Variants in SYT14 observed in about 807,000 individuals in gnomAD.
SYT14 encodes the protein synaptotagmin 14, also known as synaptotagmin-14.
Under a neutral mutation model 74.2 loss-of-function variants are expected in SYT14, and 32 were observed. That is an observed-to-expected ratio of 0.43 (90% CI 0.33 to 0.58). SYT14 has a LOEUF of 0.58. Ranked by LOEUF, SYT14 falls within the 20% of genes least tolerant of loss-of-function variation. The pLI, the probability that SYT14 is intolerant of heterozygous loss-of-function variation, is 0.05. For synonymous variants in SYT14, 298 were observed against 337.7 expected (o/e 0.88, Z 1.29); for missense variants, 791 against 981.8 (o/e 0.81, Z 2.60).
chr1:209,989,942 T>C (rs1321531249), intron 2 of SYT14, among the ~76,000 whole-genome samples: 4 of 152,192 alleles, frequency 2.6e-5, no homozygotes, highest in Non-Finnish European at 5.9e-5. Flanking sequence ...TATATATTGG[T>C]CTGACTTTTC....
chr1:210,023,533 G>A (rs1018305719), intron 5 of SYT14, among the ~76,000 whole-genome samples: 1 of 151,940 alleles, frequency 6.6e-6, no homozygotes, highest in African/African-American at 2.4e-5. Context: ...TAGTAGACAC[G>A]GGGCTTCACC....
In SYT14 at chr1:209,971,363, G is replaced by T. The variant is rs975114301; in HGVS notation, c.-486+18607G>T. On this transcript the variant is annotated intron_variant, in intron 2 of 9. Coordinates refer to ENST00000637265, the Ensembl canonical transcript of SYT14. ...GTCTGACTTCCTTTTGTCCTATAGG[G>T]ATACCTTTCATTTCTTTCTCTTGCC... Among the ~76,000 whole-genome samples the T allele has an allele frequency of 5.9e-5, 9 of 151,806 alleles. 1 individual carries two copies. Among genetic ancestry groups the T allele is most frequent in the Admixed American group, 6.6e-5 (1 of 15,248 alleles).
At chr1:209,939,229 A>G (rs1572038926) in intron 1 of SYT14, among the ~76,000 whole-genome samples, 1 of 152,320 alleles carries the variant, frequency 6.6e-6, no homozygotes, top group East Asian at 1.9e-4. Context: ...TAACTCAAAC[A>G]GTGAAAGTAA....
chr1:209,971,214 G>A (rs1169721652), intron 2 of SYT14, among the ~76,000 whole-genome samples: 2 of 152,084 alleles, frequency 1.3e-5, no homozygotes, highest in East Asian at 3.8e-4. Context: ...AAATGCTGCC[G>A]ATTTTTGTAC....
At chr1:210,099,083 T>C (rs2082015377) in intron 6 of SYT14, among the ~76,000 whole-genome samples, 2 of 152,178 alleles carry the variant, frequency 1.3e-5, no homozygotes, top group Middle Eastern at 3.2e-3. Context: ...TAGAAAATTT[T>C]AGAAATTTAT....
intron 2 of SYT14, among the ~76,000 whole-genome samples, chr1:209,987,116 C>T (rs2079584671): frequency 6.6e-6 from 1 of 152,194 alleles, no homozygotes; most frequent in Non-Finnish European, 1.5e-5. Flanking sequence ...CCATTTAACT[C>T]ATCTCTAAGC....
At chr1:210,074,193 C>T (rs545221674) in intron 5 of SYT14, among the ~76,000 whole-genome samples, 50 of 152,268 alleles carry the variant, frequency 3.3e-4, no homozygotes, top group African/African-American at 1.1e-3. Flanking sequence ...ATAATAACAA[C>T]TAAATTTACC....
At chr1:210,051,401 C>T (rs186057822) in intron 5 of SYT14, among the ~76,000 whole-genome samples, 9 of 152,106 alleles carry the variant, frequency 5.9e-5, no homozygotes, top group African/African-American at 9.6e-5. Context: ...TTATTTCATT[C>T]GATGTTGAGT....
chr1:209,972,718 G>GA (rs1400772946), intron 2 of SYT14, among the ~76,000 whole-genome samples: 1 of 152,128 alleles, frequency 6.6e-6, no homozygotes. Flanking sequence ...CGTATGGTTG[G>GA]AATGATTTCA....
chr1:210,122,799 C>T (rs971290699), intron 7 of SYT14, among the ~76,000 whole-genome samples: 49 of 152,244 alleles, frequency 3.2e-4, no homozygotes, highest in African/African-American at 1.2e-3. Flanking sequence ...ATATTCCATA[C>T]CGTGAATTGT....
intron 5 of SYT14, among the ~76,000 whole-genome samples, chr1:210,090,082 T>G (rs1384987924): frequency 6.6e-6 from 1 of 152,194 alleles, no homozygotes; most frequent in Admixed American, 6.5e-5. Flanking sequence ...TGGTCACCAG[T>G]CTGATTGTGG....
intron 2 of SYT14, among the ~76,000 whole-genome samples, chr1:209,956,369 T>C (rs2078992307): frequency 1.3e-5 from 2 of 152,164 alleles, no homozygotes; most frequent in African/African-American, 4.8e-5. Context: ...AGAACACTCC[T>C]TCAGCAGTGA....
chr1:210,040,683 A>T (rs751934826), intron 5 of SYT14, among the ~76,000 whole-genome samples: 1 of 152,120 alleles, frequency 6.6e-6, no homozygotes, highest in Non-Finnish European at 1.5e-5. Context: ...AATTAATTCT[A>T]TGTCTTTATG....
At chr1:209,972,358 T>C (rs1013835633) in intron 2 of SYT14, among the ~76,000 whole-genome samples, 3 of 152,016 alleles carry the variant, frequency 2.0e-5, no homozygotes, top group Non-Finnish European at 4.4e-5. Context: ...TTTCCTTCAG[T>C]TCTACTCTGA....
At chr1:210,125,148 A>G (rs1026514602) in intron 7 of SYT14, among the ~76,000 whole-genome samples, 11 of 151,660 alleles carry the variant, frequency 7.3e-5, no homozygotes, top group Non-Finnish European at 1.0e-4. Flanking sequence ...TTGAGCTTCT[A>G]TTGAACCCAT....
intron 5 of SYT14, among the ~76,000 whole-genome samples, chr1:210,042,417 G>C (rs2080808120): frequency 6.6e-6 from 1 of 152,166 alleles, no homozygotes; most frequent in African/African-American, 2.4e-5. Flanking sequence ...TGGTGTTTTA[G>C]TCATGAAGTC....
chr1:210,150,980 A>G (rs541515089), intron 7 of SYT14, among the ~76,000 whole-genome samples: 1 of 152,296 alleles, frequency 6.6e-6, no homozygotes, highest in Admixed American at 6.5e-5. Flanking sequence ...TTAACCACTA[A>G]TTCTGGTTAT....
At chr1:210,010,501 G>A (rs780634248) in intron 2 of SYT14, among the ~76,000 whole-genome samples, 97 of 152,190 alleles carry the variant, frequency 6.4e-4, no homozygotes, top group Admixed American at 2.0e-3. Context: ...ATTTATAGAG[G>A]TTCTATTCCT....
chr1:209,946,364 A>G (rs1218513825), intron 1 of SYT14, among the ~76,000 whole-genome samples: 1 of 152,212 alleles, frequency 6.6e-6, no homozygotes, highest in African/African-American at 2.4e-5. Context: ...GCAAAGGAAA[A>G]GTTCTTGAAG....
Sources: gnomAD v4.1 joint callset for allele counts (sites outside exome capture counted in the v4.1 genomes callset) on GRCh38, gnomAD v4.1.1 for gene constraint, MANE v1.5 for transcripts, NCBI Gene and HGNC (gene_info 2026-07-23, HGNC 2026-07-21) for gene names.